CCSAP: variants seen among roughly 807,000 people sequenced by gnomAD.
CCSAP encodes centriole, cilia and spindle-associated protein.
A neutral mutation model predicts 25.9 loss-of-function variants in CCSAP; 17 were observed. That is an observed-to-expected ratio of 0.66 (90% CI 0.45 to 0.99). CCSAP has a LOEUF of 0.99. Ranked by LOEUF, CCSAP falls within the 50% of genes least tolerant of loss-of-function variation. The probability of loss-of-function intolerance (pLI) is 0.00; values close to 1 mark genes in which losing one functional copy is unlikely to be tolerated. For synonymous variants in CCSAP, 169 were observed against 157.1 expected (o/e 1.08, Z -0.57); for missense variants, 339 against 367.8 (o/e 0.92, Z 0.64).
At chr1:229,340,572 G>A (rs1658308215) in intron 2 of CCSAP, 1 of 606,712 alleles carries the variant, frequency 1.6e-6, no homozygotes, top group East Asian at 2.8e-5. Context: ...AGTACCCACA[G>A]GAATAATCTG....
At chr1:229,334,068 TTTTGTTTG>T (rs112113521) in intron 2 of CCSAP, among the ~76,000 whole-genome samples, 1 of 152,108 alleles carries the variant, frequency 6.6e-6, no homozygotes, top group Non-Finnish European at 1.5e-5. Context: ...CATTAGGTTT[TTTTGTTTG>T]TTTGTTTGTT....
chr1:229,339,144 G>T (rs1249313807), intron 2 of CCSAP, among the ~76,000 whole-genome samples: 7 of 149,430 alleles, frequency 4.7e-5, no homozygotes, highest in Admixed American at 4.7e-4. Context: ...AAACTTCCGG[G>T]AATTAAAAAC....
At chr1:229,339,217 A>G (rs961739690) in intron 2 of CCSAP, among the ~76,000 whole-genome samples, 1 of 152,218 alleles carries the variant, frequency 6.6e-6, no homozygotes, top group South Asian at 2.1e-4. Context: ...GATCTAGATC[A>G]AGGAAAAATG....
chr1:229,336,859 CA>C (rs1658206841), intron 2 of CCSAP, among the ~76,000 whole-genome samples: 1 of 151,346 alleles, frequency 6.6e-6, no homozygotes, highest in African/African-American at 2.4e-5. Flanking sequence ...ATGTAAAGAA[CA>C]TTATGGACCA....
At position 229,342,116 on chromosome 1, in the gene CCSAP, T is replaced by A; in HGVS notation, c.350A>T (p.Glu117Val). Residue 117 changes from glutamate to valine, a missense_variant, in exon 2 of 4, where the codon GAG (glutamate) becomes GTG (valine). Coordinates refer to ENST00000284617, the MANE Select transcript of CCSAP (RefSeq NM_145257.5). The surrounding 1 kb of genome is among the most constrained non-coding windows in gnomAD (Gnocchi z 7.5). ...EAGDAEAEDAEDAALPALPVK... is the reference protein window; with the variant it reads ...EAGDAEAEDAVDAALPALPVK... ...CCGGGTACCTGGCAGAGCCGCGTCC[T>A]CCGCGTCCTCGGCCTCCGCGTCCCC... 1 of 1,348,418 alleles carries A rather than the reference T, an allele frequency of 7.4e-7. No individual in the cohort carries two copies. The highest frequency in any genetic ancestry group is 2.1e-5 in the South Asian group (1 of 48,342). 83.5% of individuals were successfully genotyped at this position (1,348,418 alleles called of 1,614,324 possible).
chr1:229,338,047 T>C (rs952899208), intron 2 of CCSAP, among the ~76,000 whole-genome samples: 1 of 152,152 alleles, frequency 6.6e-6, no homozygotes, highest in East Asian at 1.9e-4. Context: ...TGCAAATATC[T>C]ACACAGCCAT....
chr1:229,342,077 C>A lies in CCSAP; in HGVS notation c.367+22G>T, dbSNP rs1380811883. 3 of 1,319,366 alleles carry A rather than the reference C, an allele frequency of 2.3e-6. No individual in the cohort carries two copies. The highest frequency in any genetic ancestry group is 9.6e-7 in the Non-Finnish European group (1 of 1,037,446). The allele number at this position is 1,319,366 out of a possible 1,614,324, so 81.7% of individuals were successfully genotyped here. Reference sequence around the variant, plus strand: ...ACCGTCCCTGCGTGCAGGCCCCTCGCGCTCCCCTCCGGGCCGGGTACCTGG... The same window carrying A: ...ACCGTCCCTGCGTGCAGGCCCCTCGAGCTCCCCTCCGGGCCGGGTACCTGG... On this transcript the variant is annotated intron_variant, in intron 2 of 3. Coordinates refer to ENST00000284617, the MANE Select transcript of CCSAP (RefSeq NM_145257.5). This position sits in a 1 kb window ranked among gnomAD's most constrained non-coding sequence, Gnocchi z 7.5.
chr1:229,337,678 A>AAAAAAAAAAAAAATATAT, intron 2 of CCSAP, among the ~76,000 whole-genome samples: 60 of 65,448 alleles, frequency 9.2e-4, no homozygotes, highest in East Asian at 6.7e-3. Flanking sequence ...CTCAAAAAAA[A>AAAAAAAAAAAAAATATAT]ATATATATAT....
At chr1:229,334,548 GA>G (rs1306413185) in intron 2 of CCSAP, among the ~76,000 whole-genome samples, 1 of 151,226 alleles carries the variant, frequency 6.6e-6, no homozygotes, top group Non-Finnish European at 1.5e-5. Context: ...CAAAAAGTTA[GA>G]AAAAAGCAAA....
At chr1:229,340,298 T>G in intron 2 of CCSAP, 1 of 674,372 alleles carries the variant, frequency 1.5e-6, no homozygotes, top group Non-Finnish European at 2.7e-6. Flanking sequence ...GAAAACATCC[T>G]TTCTTCTTCC....
chr1:229,342,125 T>TCGGTTTCCGCGTCCC lies in CCSAP; in HGVS notation c.340_341insGGGACGCGGAAACCG (p.Ala113_Glu114insGlyAspAlaGluThr). ...TGGCAGAGCCGCGTCCTCCGCGTCC[T>TCGGTTTCCGCGTCCC]CGGCCTCCGCGTCCCCGGCCTCCGC... On this transcript the variant is annotated inframe_insertion, in exon 2 of 4. Coordinates refer to ENST00000284617, the MANE Select transcript of CCSAP (RefSeq NM_145257.5). This position sits in a 1 kb window ranked among gnomAD's most constrained non-coding sequence, Gnocchi z 7.5. 1 of 1,343,210 alleles carries TCGGTTTCCGCGTCCC rather than the reference T, an allele frequency of 7.4e-7. No homozygotes were observed. Among genetic ancestry groups the TCGGTTTCCGCGTCCC allele is most frequent in the Non-Finnish European group, 9.5e-7 (1 of 1,048,640 alleles). 83.2% of individuals were successfully genotyped at this position (1,343,210 alleles called of 1,614,324 possible).
At chr1:229,327,612 G>C (rs753421878) in intron 2 of CCSAP, 6 of 455,468 alleles carry the variant, frequency 1.3e-5, no homozygotes, top group Non-Finnish European at 2.6e-5. Context: ...GCTCACACCT[G>C]TAATCCCAGC....
chr1:229,341,210 A>G (rs1232454041), intron 2 of CCSAP, among the ~76,000 whole-genome samples: 3 of 152,018 alleles, frequency 2.0e-5, no homozygotes, highest in Non-Finnish European at 2.9e-5. Context: ...AAAAAAAAAA[A>G]AAGATTACAA....
chr1:229,325,791 C>T (rs1320122261), intron 3 of CCSAP, among the ~76,000 whole-genome samples: 4 of 152,218 alleles, frequency 2.6e-5, no homozygotes, highest in African/African-American at 9.6e-5. Context: ...AATAAAAGAA[C>T]TTTAAATGTT....
At chr1:229,336,994 T>C (rs1297449318) in intron 2 of CCSAP, among the ~76,000 whole-genome samples, 1 of 152,152 alleles carries the variant, frequency 6.6e-6, no homozygotes, top group Non-Finnish European at 1.5e-5. Flanking sequence ...AATTCCATTG[T>C]AGAAACATTT....
intron 2 of CCSAP, among the ~76,000 whole-genome samples, chr1:229,339,317 G>T (rs1476074099): frequency 5.5e-4 from 83 of 152,124 alleles, no homozygotes; most frequent in Non-Finnish European, 8.8e-5. Context: ...ATCATAACGA[G>T]GCAGGCTGTA....
intron 2 of CCSAP, among the ~76,000 whole-genome samples, chr1:229,330,228 G>C (rs1429112797): frequency 6.6e-6 from 1 of 152,154 alleles, no homozygotes; most frequent in Non-Finnish European, 1.5e-5. Flanking sequence ...TGGTCATGCT[G>C]TCCTCTGACA....
chr1:229,331,071 C>G (rs905528935), intron 2 of CCSAP, among the ~76,000 whole-genome samples: 8 of 151,922 alleles, frequency 5.3e-5, no homozygotes, highest in Non-Finnish European at 1.2e-4. Flanking sequence ...CCTGGAAAAG[C>G]TAAATGAAAT....
chr1:229,325,201 C>G lies in CCSAP; in HGVS notation c.*34G>C. 2 of 1,542,776 alleles carry G rather than the reference C, an allele frequency of 1.3e-6. No individual in the cohort carries two copies. The highest frequency in any genetic ancestry group is 1.4e-5 in the African/African-American group (1 of 72,004). On this transcript the variant is annotated 3_prime_UTR_variant, in exon 4 of 4. Transcript: ENST00000284617. The stretch of plus-strand genomic sequence containing the variant: ...TTGTTTTTCCTTTCAGTCATTTACA[C>G]TTTTTAAAAGAGGCTGTCCACGCAA...
Sources: gnomAD v4.1 joint callset for allele counts (sites outside exome capture counted in the v4.1 genomes callset) on GRCh38, gnomAD v4.1.1 for gene constraint, Gnocchi (gnomAD v3.1) non-coding constraint, MANE v1.5 for transcripts, NCBI Gene and HGNC (gene_info 2026-07-23, HGNC 2026-07-21) for gene names.